ANKRD28: variants seen among roughly 807,000 people sequenced by gnomAD.
ANKRD28 encodes ankyrin repeat domain 28.
Under a neutral mutation model 126.5 loss-of-function variants are expected in ANKRD28, and 44 were observed. The ratio of observed to expected loss-of-function variants is 0.35; its 90% CI spans 0.27 to 0.45. ANKRD28 has a LOEUF of 0.45. Ranked by LOEUF, ANKRD28 falls within the 20% of genes least tolerant of loss-of-function variation. ANKRD28 has a pLI of 1.00. For missense variants in ANKRD28, 1,110 were observed against 1,316.6 expected, an observed-to-expected ratio of 0.84 and a Z score of 2.43; for synonymous variants, 442 against 468.5, an observed-to-expected ratio of 0.94 and a Z score of 0.73.
chr3:15,707,280 G>C (rs1414647030), intron 14 of ANKRD28, among the ~76,000 whole-genome samples: 1 of 152,014 alleles, frequency 6.6e-6, no homozygotes, highest in African/African-American at 2.4e-5. Context: ...ATGTATCAAG[G>C]TATTACAGAT....
Position 15,814,195 on chromosome 3 carries a change from A to G in ANKRD28, c.28-18889T>C. On this transcript the variant is annotated intron_variant, in intron 1 of 27. Coordinates refer to the ANKRD28 transcript ENST00000399451. The surrounding 1 kb of genome is among the most constrained non-coding windows in gnomAD (Gnocchi z 4.7). ...AACAGCAACAAACTAACAAATTACA[A>G]GAGCTGCCTATATTACTGCAAGAGA... is the stretch of plus-strand genomic sequence containing the variant. 9.5e-7 allele frequency: 1 copy of G among 1,053,108 alleles called. No individual in the cohort carries two copies. The highest frequency in any genetic ancestry group is 1.2e-6 in the Non-Finnish European group (1 of 831,548). 65.2% of individuals were successfully genotyped at this position (1,053,108 alleles called of 1,614,324 possible).
intron 1 of ANKRD28, among the ~76,000 whole-genome samples, chr3:15,850,204 A>AAAATATATATATATAT (rs1486394619): frequency 1.8e-4 from 10 of 54,836 alleles, no homozygotes; most frequent in Admixed American, 2.4e-4. Context: ...AAAAAAAAAA[A>AAAATATATATATATAT]ATATATATAT....
intron 1 of ANKRD28, among the ~76,000 whole-genome samples, chr3:15,808,661 TTC>T (rs2060640950): frequency 6.6e-6 from 1 of 152,198 alleles, no homozygotes; most frequent in Non-Finnish European, 1.5e-5. Flanking sequence ...ACTTTTTCAA[TTC>T]TGATTCCTTT....
intron 7 of ANKRD28, among the ~76,000 whole-genome samples, chr3:15,723,262 A>G (rs891596406): frequency 1.3e-5 from 2 of 152,240 alleles, no homozygotes; most frequent in Non-Finnish European, 1.5e-5. Context: ...AGTGTTTCAC[A>G]TGGTCCATCA....
chr3:15,676,698 ATAG>A lies in ANKRD28; in HGVS notation c.2873+273_2873+275del, dbSNP rs2066975592. ...AGTTGATTTCCACAGAATACACAAA[ATAG>A]TACTACTTTCCTTCAGAAAATTAGG... On this transcript the variant is annotated intron_variant, in intron 26 of 27. Transcript: ENST00000683139. The A allele has an allele frequency of 3.1e-5, 9 of 293,644 alleles. No individual in the cohort carries two copies. The South Asian group carries it at 3.8e-4, about 12-fold the overall frequency. The allele number at this position is 293,644 out of a possible 1,614,324, so 18.2% of individuals were successfully genotyped here. A position where few individuals can be genotyped will look rare whatever the true frequency, so the allele number is the denominator to read the frequency against.
chr3:15,692,540 T>A (rs1281023949), intron 17 of ANKRD28, among the ~76,000 whole-genome samples: 2 of 152,176 alleles, frequency 1.3e-5, no homozygotes, highest in Non-Finnish European at 2.9e-5. Context: ...TTTCCCCCCA[T>A]GATATCCTTG....
chr3:15,675,870 A>G (rs779448171), intron 27 of ANKRD28, 28 bp downstream of exon 27: 1 of 1,544,896 alleles, frequency 6.5e-7, no homozygotes, highest in South Asian at 1.2e-5. Context: ...GCTCTAGGTT[A>G]AGGGAAGAGA....
At chr3:15,791,093 G>C (rs1306613983) in intron 2 of ANKRD28, among the ~76,000 whole-genome samples, 1 of 151,846 alleles carries the variant, frequency 6.6e-6, no homozygotes, top group Non-Finnish European at 1.5e-5. Context: ...CTCTATAATG[G>C]AAACAATAAA....
rs899409149 is a variant in ANKRD28 at position 15,713,551 on chromosome 3, A to G, written c.1166T>C (p.Ile389Thr). 4.3e-6 allele frequency: 7 copies of G among 1,611,644 alleles called. No individual in the cohort carries two copies. The highest frequency in any genetic ancestry group is 1.3e-5 in the African/African-American group (1 of 74,750). The change falls in exon 10 of 28, where the codon ATT becomes ACT. Residue 389 changes from isoleucine to threonine, a missense_variant. By Grantham distance (89) the Ile-to-Thr change is moderately conservative. Transcript: ENST00000683139. ...CTTTGCAGTGTCAGCACCACTTGTA[A>G]TAAGAGTGTTGATCAGCAGCTCATG... ...YGHELLINTL[I>T]TSGADTAKRG...
In ANKRD28 at chr3:15,795,146, A is replaced by G; in HGVS notation, c.201+77T>C. 2.8e-6 allele frequency: 3 copies of G among 1,058,782 alleles called. No individual in the cohort carries two copies. In the South Asian group the frequency reaches 4.0e-5, roughly 14 times the overall value. 65.6% of individuals were successfully genotyped at this position (1,058,782 alleles called of 1,614,324 possible). A position where few individuals can be genotyped will look rare whatever the true frequency, so the allele number is the denominator to read the frequency against. On this transcript the variant is annotated intron_variant, in intron 2 of 27. Transcript: ENST00000683139. ...GTTACAGAGTTATATTATGTCTTGT[A>G]AACAAAAATCACAATTCTAGGAAAG...
chr3:15,802,829 A>G (rs1330814769), upstream of ANKRD28, among the ~76,000 whole-genome samples: 4 of 152,160 alleles, frequency 2.6e-5, no homozygotes, highest in Admixed American at 6.5e-5. Flanking sequence ...CCATCCATTC[A>G]CCTAGTATAC....
At chr3:15,842,071 TTA>T (rs1222659495) in intron 1 of ANKRD28, among the ~76,000 whole-genome samples, 4 of 148,164 alleles carry the variant, frequency 2.7e-5, no homozygotes, top group African/African-American at 9.8e-5. Flanking sequence ...TAATTTTATT[TTA>T]TAATTTTTAT....
rs1431393691 is a variant in ANKRD28, at chr3:15,686,325, T to C, written c.1964-16A>G. Reference sequence around the variant, plus strand: ...CCATTTGTTGCTGTAAAGTGAAATTTAAACATTTCAGTAATTACATATAAT... The same window carrying C: ...CCATTTGTTGCTGTAAAGTGAAATTCAAACATTTCAGTAATTACATATAAT... On this transcript the variant is annotated splice_polypyrimidine_tract_variant and intron_variant, in intron 18 of 27. Transcript: ENST00000683139. 6.5e-7 allele frequency: 1 copy of C among 1,528,684 alleles called. No individual in the cohort carries two copies. Among genetic ancestry groups the C allele is most frequent in the Admixed American group, 1.9e-5 (1 of 51,718 alleles). 94.7% of individuals were successfully genotyped at this position (1,528,684 alleles called of 1,614,324 possible).
chr3:15,762,194 A>AC (rs112737083), intron 3 of ANKRD28, among the ~76,000 whole-genome samples: 9 of 29,078 alleles, frequency 3.1e-4, no homozygotes, highest in African/African-American at 6.2e-4. Flanking sequence ...TCTTTAAAAA[A>AC]AAAAAAAAAA....
intron 1 of ANKRD28, among the ~76,000 whole-genome samples, chr3:15,811,745 G>A (rs545721269): frequency 3.3e-5 from 5 of 151,804 alleles, no homozygotes; most frequent in Non-Finnish European, 7.4e-5. Context: ...GAGCCACTGC[G>A]CCTGGCCAGG....
chr3:15,712,008 G>A (rs913505015), intron 11 of ANKRD28, 132 bp downstream of exon 11: 14 of 716,544 alleles, frequency 2.0e-5, no homozygotes, highest in African/African-American at 8.9e-5. Context: ...AACCCAACAC[G>A]TTCTAAAAGG....
At chr3:15,693,327 C>CAGAGAG (rs59750718) in intron 17 of ANKRD28, among the ~76,000 whole-genome samples, 5 of 148,390 alleles carry the variant, frequency 3.4e-5, no homozygotes, top group East Asian at 2.0e-4. Context: ...AATGGGGGGG[C>CAGAGAG]AGAGAGAGAG....
At chr3:15,776,386 A>G (rs2059269383) in intron 2 of ANKRD28, among the ~76,000 whole-genome samples, 1 of 152,268 alleles carries the variant, frequency 6.6e-6, no homozygotes, top group African/African-American at 2.4e-5. Flanking sequence ...ATCCATCAAT[A>G]GCAGAATGGA....
At position 15,814,513 on chromosome 3, in the gene ANKRD28, T is replaced by C. The variant is rs532652388; in HGVS notation, c.28-19207A>G. ...TACTAATCTGGGCAACAAAACATTT[T>C]TTAAAGGCTTTCTTTATATATTAAA... On this transcript the variant is annotated intron_variant, in intron 1 of 27. Coordinates refer to the ANKRD28 transcript ENST00000399451. This position sits in a 1 kb window ranked among gnomAD's most constrained non-coding sequence, Gnocchi z 4.7. 6.5e-4 allele frequency among the ~76,000 whole-genome samples: 99 copies of C among 152,328 alleles called. No homozygotes were observed. Among genetic ancestry groups the C allele is most frequent in the Non-Finnish European group, 1.2e-3 (82 of 68,010 alleles).
Sources: allele counts gnomAD v4.1 joint callset (sites outside exome capture counted in the v4.1 genomes callset), GRCh38; gene constraint gnomAD v4.1.1; non-coding constraint Gnocchi (gnomAD v3.1); transcripts MANE v1.5; gene names NCBI Gene and HGNC (gene_info 2026-07-23, HGNC 2026-07-21).